Variants in ERICH6B observed in about 807,000 individuals in gnomAD.
The protein encoded by ERICH6B is glutamate-rich protein 6B.
In ERICH6B, 69 loss-of-function variants were observed where a neutral mutation model predicts 80.0. The ratio of observed to expected loss-of-function variants is 0.86; its 90% CI spans 0.71 to 1.05. The LOEUF is 1.05. ERICH6B is among the 50% of genes least tolerant of loss of function. The probability of loss-of-function intolerance (pLI) is 0.00; values close to 1 mark genes in which losing one functional copy is unlikely to be tolerated. For missense variants in ERICH6B, 754 were observed against 796.1 expected, an observed-to-expected ratio of 0.95 and a Z score of 0.64; for synonymous variants, 283 against 291.9, an observed-to-expected ratio of 0.97 and a Z score of 0.31.
chr13:45,603,479 T>A (rs913179467), intron 2 of ERICH6B, among the ~76,000 whole-genome samples: 2 of 152,216 alleles, frequency 1.3e-5, no homozygotes, highest in African/African-American at 4.8e-5. Flanking sequence ...TTTCAGTGCC[T>A]GCAATGTCCT....
intron 13 of ERICH6B, among the ~76,000 whole-genome samples, chr13:45,549,113 A>G (rs1256682343): frequency 2.0e-5 from 3 of 152,088 alleles, no homozygotes; most frequent in Non-Finnish European, 2.9e-5. Context: ...GTGAAACACC[A>G]TCTCTACTAA....
At position 45,574,848 on chromosome 13, in the gene ERICH6B, AT is replaced by A; in HGVS notation, c.1043del (p.Asp348ValfsTer5). On this transcript the variant is annotated frameshift_variant, in exon 8 of 15. Transcript: ENST00000298738. LOFTEE classifies it high-confidence loss of function. ...SIDKLEVEDL[D>X]ENFLNSSYQT... The stretch of plus-strand genomic sequence containing the variant: ...AAGTTTTTATCCAACTTACGTTTTC[AT>A]CTAAATCTTCCACTTCCAGCTTGTC... The A allele has an allele frequency of 6.5e-7, 1 of 1,550,298 alleles. No homozygotes were observed. Among genetic ancestry groups the A allele is most frequent in the Non-Finnish European group, 8.7e-7 (1 of 1,146,280 alleles).
intron 2 of ERICH6B, among the ~76,000 whole-genome samples, chr13:45,601,241 A>G (rs1258949209): frequency 6.6e-6 from 1 of 152,036 alleles, no homozygotes; most frequent in East Asian, 1.9e-4. Flanking sequence ...TCCTGTTGCA[A>G]TAGTTCATGA....
At chr13:45,566,578 A>G (rs909770806) in intron 9 of ERICH6B, among the ~76,000 whole-genome samples, 4 of 152,260 alleles carry the variant, frequency 2.6e-5, no homozygotes, top group Non-Finnish European at 5.9e-5. Flanking sequence ...CAGAGGGTGT[A>G]AACCCCAAGC....
chr13:45,594,707 C>T (rs1259521137), intron 3 of ERICH6B, among the ~76,000 whole-genome samples: 5 of 152,122 alleles, frequency 3.3e-5, no homozygotes, highest in Admixed American at 3.3e-4. Flanking sequence ...TGAGAATGCC[C>T]AGCTTTTAGG....
rs1050229838 is a variant in ERICH6B at position 45,579,803 on chromosome 13, G to A, written c.961+130C>T. On this transcript the variant is annotated intron_variant, in intron 7 of 14. Coordinates refer to ENST00000298738, the MANE Select transcript of ERICH6B (RefSeq NM_182542.3). ...GGTTTGGGGTCCGTGTGCCCAGGAT[G>A]CCCCTCAGTCCCCTCTGGGCCCTGG... 8 of 788,946 alleles carry A rather than the reference G, an allele frequency of 1.0e-5. No individual in the cohort carries two copies. The African/African-American group carries it at 1.2e-4, about 12-fold the overall frequency. The allele number at this position is 788,946 out of a possible 1,614,324, so 48.9% of individuals were successfully genotyped here. A position where few individuals can be genotyped will look rare whatever the true frequency, so the allele number is the denominator to read the frequency against.
chr13:45,606,499 GTATGTGTATATATATATATATA>G lies in ERICH6B; in HGVS notation c.-59+1043_-59+1064del, dbSNP rs1488460398. On this transcript the variant is annotated intron_variant, in intron 2 of 14. Transcript: ENST00000298738. ...TCTTCTTGGCTGAGATCCCAAAAGT[GTATGTGTATATATATATATATA>G]TATATATATATATATATATATATAT... 4.3e-3 allele frequency among the ~76,000 whole-genome samples: 177 copies of G among 40,738 alleles called. 10 individuals are homozygous for G. Among genetic ancestry groups the G allele is most frequent in the African/African-American group, 0.014 (131 of 9,122 alleles). 26.7% of individuals were successfully genotyped at this position (40,738 alleles called of 152,430 possible). A position where few individuals can be genotyped will look rare whatever the true frequency, so the allele number is the denominator to read the frequency against.
At chr13:45,582,822 C>T (rs1875730578) in intron 5 of ERICH6B, among the ~76,000 whole-genome samples, 1 of 152,108 alleles carries the variant, frequency 6.6e-6, no homozygotes, top group Admixed American at 6.5e-5. Flanking sequence ...GGAATTTCGC[C>T]CTATGGGGTT....
intron 5 of ERICH6B, among the ~76,000 whole-genome samples, chr13:45,583,836 A>G (rs1039141012): frequency 6.6e-6 from 1 of 152,204 alleles, no homozygotes. Context: ...CTGTGAGTCC[A>G]TTAAACATCT....
intron 2 of ERICH6B, among the ~76,000 whole-genome samples, chr13:45,605,115 T>A (rs1290809203): frequency 6.6e-6 from 1 of 152,094 alleles, no homozygotes; most frequent in Non-Finnish European, 1.5e-5. Context: ...CTCAACTTCC[T>A]GAAGCCCCTC....
intron 2 of ERICH6B, among the ~76,000 whole-genome samples, chr13:45,600,056 G>T (rs2138027471): frequency 6.6e-6 from 1 of 152,234 alleles, no homozygotes; most frequent in African/African-American, 2.4e-5. Flanking sequence ...CTGTCTTTGG[G>T]GCAAAGGGTG....
intron 4 of ERICH6B, among the ~76,000 whole-genome samples, chr13:45,589,012 G>A (rs1213334597): frequency 1.3e-5 from 2 of 152,194 alleles, no homozygotes; most frequent in Non-Finnish European, 2.9e-5. Flanking sequence ...CTCCAGGCCT[G>A]GGGTGGCTGA....
intron 11 of ERICH6B, among the ~76,000 whole-genome samples, chr13:45,556,824 T>A (rs1874461686): frequency 3.3e-5 from 5 of 152,142 alleles, no homozygotes; most frequent in Admixed American, 3.3e-4. Context: ...AGTTTCTTTA[T>A]CCGCTCATTT....
In ERICH6B at chr13:45,586,876, G is replaced by A. The variant is rs535493460; in HGVS notation, c.856+187C>T. On this transcript the variant is annotated intron_variant, in intron 5 of 14. Transcript: ENST00000298738. ...GGGGGTCTGGGATGGGATGAAACAG[G>A]AAGCAAGGCTAGGAGAGGAGTTAAC... 2.4e-4 allele frequency among the ~76,000 whole-genome samples: 37 copies of A among 152,308 alleles called. 1 individual carries two copies. In the East Asian group the frequency reaches 4.4e-3, roughly 18 times the overall value.
At chr13:45,567,417 C>T (rs908819945) in intron 9 of ERICH6B, among the ~76,000 whole-genome samples, 1 of 152,066 alleles carries the variant, frequency 6.6e-6, no homozygotes, top group Non-Finnish European at 1.5e-5. Context: ...TCTTGAATTC[C>T]CACGTGTTGT....
intron 11 of ERICH6B, among the ~76,000 whole-genome samples, chr13:45,555,794 G>T (rs1455423655): frequency 6.6e-6 from 1 of 151,990 alleles, no homozygotes; most frequent in East Asian, 1.9e-4. Context: ...ACTTGGCTTT[G>T]GGAAGCATTT....
At chr13:45,602,057 G>T (rs965181493) in intron 2 of ERICH6B, among the ~76,000 whole-genome samples, 2 of 152,194 alleles carry the variant, frequency 1.3e-5, no homozygotes, top group Non-Finnish European at 2.9e-5. Context: ...TTCATGCCAT[G>T]GGGAGAGAAA....
In ERICH6B at chr13:45,579,581, G is replaced by C. The variant is rs79456578; in HGVS notation, c.961+352C>G. The stretch of plus-strand genomic sequence containing the variant: ...TTTATCCATTACCAAGATGGCATAG[G>C]ACCCTGAGTCTATCTGGGGAGGTGC... On this transcript the variant is annotated intron_variant, in intron 7 of 14. Coordinates refer to ENST00000298738, the MANE Select transcript of ERICH6B (RefSeq NM_182542.3). Among the ~76,000 whole-genome samples the C allele has an allele frequency of 1.9e-4, 29 of 152,242 alleles. No individual in the cohort carries two copies. The East Asian group carries it at 3.5e-3, about 18-fold the overall frequency.
chr13:45,601,824 G>C (rs1949829303), intron 2 of ERICH6B, among the ~76,000 whole-genome samples: 1 of 152,184 alleles, frequency 6.6e-6, no homozygotes, highest in South Asian at 2.1e-4. Context: ...CCCAGTGTCT[G>C]GGGCAAACAT....
Sources: gnomAD v4.1 joint callset for allele counts (sites outside exome capture counted in the v4.1 genomes callset) on GRCh38, gnomAD v4.1.1 for gene constraint, MANE v1.5 for transcripts, NCBI Gene and HGNC (gene_info 2026-07-23, HGNC 2026-07-21) for gene names.